The following FAM110C variants were observed in gnomAD, a reference collection of about 807,000 sequenced individuals.
The protein encoded by FAM110C is family with sequence similarity 110 member C, also known as protein FAM110C.
A neutral mutation model predicts 15.7 loss-of-function variants in FAM110C; 19 were observed. That is an observed-to-expected ratio of 1.21 (90% CI 0.85 to 1.78). The LOEUF (loss-of-function observed/expected upper bound fraction) is 1.78. FAM110C is among the 40% of genes most tolerant of loss of function. FAM110C has a pLI of 0.00. For missense variants in FAM110C, 547 were observed against 495.7 expected, an observed-to-expected ratio of 1.10 and a Z score of -0.98; for synonymous variants, 275 against 233.9, an observed-to-expected ratio of 1.18 and a Z score of -1.61.
Position 41,505 on chromosome 2 carries a change from T to G in FAM110C, c.*103A>C. The G allele has an allele frequency of 7.6e-7, 1 of 1,318,036 alleles. No homozygotes were observed. The highest frequency in any genetic ancestry group is 1.1e-6 in the Non-Finnish European group (1 of 936,814). 81.6% of individuals were successfully genotyped at this position (1,318,036 alleles called of 1,614,324 possible). On this transcript the variant is annotated 3_prime_UTR_variant, in exon 2 of 2. Transcript: ENST00000327669. The stretch of plus-strand genomic sequence containing the variant: ...CAGAGCACTTGTTTTGTCAATGGGA[T>G]GCTGCATTCCTGGTAAAACAGCAAT...
intron 1 of FAM110C, chr2:44,210 G>C (rs1421796251): frequency 7.1e-6 from 7 of 985,226 alleles, no homozygotes; most frequent in African/African-American, 1.7e-5. Context: ...TGGGAACTTA[G>C]GCTAGTGGAA....
rs1169585125 is a variant in FAM110C, at chr2:39,278, G to C, written c.*2330C>G. 6.6e-6 allele frequency: 1 copy of C among 152,130 alleles called. No homozygotes were observed. The highest frequency in any genetic ancestry group is 2.4e-5 in the African/African-American group (1 of 41,416). 9.4% of individuals were successfully genotyped at this position (152,130 alleles called of 1,614,324 possible). On this transcript the variant is annotated 3_prime_UTR_variant, in exon 2 of 2. Coordinates refer to ENST00000327669, the MANE Select transcript of FAM110C (RefSeq NM_001077710.3). ...GTTTTACTTTTTATATATATTTTTA[G>C]AGACAGGGTCTTGCTCTGTCACTCA...
Position 45,490 on chromosome 2 carries a change from G to C in FAM110C, c.896C>G (p.Thr299Ser). 1 of 1,614,122 alleles carries C rather than the reference G, an allele frequency of 6.2e-7. No homozygotes were observed. The highest frequency in any genetic ancestry group is 8.5e-7 in the Non-Finnish European group (1 of 1,179,994). Residue 299 changes from threonine to serine, a missense_variant, in exon 1 of 2, where the codon ACC (threonine) becomes AGC (serine). Thr to Ser is a moderately conservative substitution (Grantham distance 58, BLOSUM62 1). Transcript: ENST00000327669. The part of the protein sequence containing the change: ...RNARIIKWLY[T>S]CKKAKETPSQ... ...GGGGGTCTCCTTGGCCTTCTTACAG[G>C]TGTACAGCCACTTGATGATGCGGGC...
intron 1 of FAM110C, chr2:42,909 C>G: frequency 4.1e-6 from 4 of 985,460 alleles, no homozygotes; most frequent in South Asian, 4.7e-5. Context: ...GCTTCCACAT[C>G]TTCCAGAAGT....
At chr2:41,955 A>G (rs1002099676) in intron 1 of FAM110C, 1 of 985,328 alleles carries the variant, frequency 1.0e-6, no homozygotes, top group African/African-American at 1.7e-5. Flanking sequence ...GCTAACTACT[A>G]CAGAGTTGGA....
intron 1 of FAM110C, chr2:43,777 A>G: frequency 1.0e-6 from 1 of 985,404 alleles, no homozygotes; most frequent in Non-Finnish European, 1.2e-6. Context: ...TGCTATGGCT[A>G]CCTGGAGGGA....
In FAM110C at chr2:46,460, A is replaced by T; in HGVS notation, c.-75T>A. 1.7e-6 allele frequency: 2 copies of T among 1,165,848 alleles called. No homozygotes were observed. The highest frequency in any genetic ancestry group is 2.2e-6 in the Non-Finnish European group (2 of 922,584). 72.2% of individuals were successfully genotyped at this position (1,165,848 alleles called of 1,614,324 possible). A position where few individuals can be genotyped will look rare whatever the true frequency, so the allele number is the denominator to read the frequency against. On this transcript the variant is annotated 5_prime_UTR_variant, in exon 1 of 2. Transcript: ENST00000327669. ...TCGAGTGGTAGAGCCAGTCAGTCCC[A>T]GGGCCGGTTCCGAAGTCCGCGCCGG...
chr2:44,039 C>A, intron 1 of FAM110C: 1 of 985,412 alleles, frequency 1.0e-6, no homozygotes, highest in Non-Finnish European at 1.2e-6. Flanking sequence ...GACACTGTCC[C>A]TCCACGGACC....
In FAM110C at chr2:40,902, A is replaced by C. The variant is rs537135846; in HGVS notation, c.*706T>G. 1.3e-5 allele frequency: 2 copies of C among 152,354 alleles called. No homozygotes were observed. Among genetic ancestry groups the C allele is most frequent in the Admixed American group, 1.3e-4 (2 of 15,298 alleles). The allele number at this position is 152,354 out of a possible 1,614,324, so 9.4% of individuals were successfully genotyped here. ...AAAAGGTTTTGTTTATCAGTATTTA[A>C]ACTCTAACTTATCTTTTAATGGGTA... On this transcript the variant is annotated 3_prime_UTR_variant, in exon 2 of 2. Coordinates refer to ENST00000327669, the MANE Select transcript of FAM110C (RefSeq NM_001077710.3).
intron 1 of FAM110C, chr2:43,519 C>G (rs1220901895): frequency 1.0e-6 from 1 of 985,252 alleles, no homozygotes; most frequent in Non-Finnish European, 1.2e-6. Flanking sequence ...GCTAACTAAA[C>G]TTCTTATATT....
intron 1 of FAM110C, 60 bp downstream of exon 1, chr2:45,376 ACACT>A: frequency 6.5e-7 from 1 of 1,532,226 alleles, no homozygotes; most frequent in Non-Finnish European, 8.8e-7. Context: ...CAGCTCGGTC[ACACT>A]CACCAAGATT....
In FAM110C at chr2:38,928, A is replaced by C. The variant is rs1664055027; in HGVS notation, c.*2680T>G. On this transcript the variant is annotated 3_prime_UTR_variant, in exon 2 of 2. Transcript: ENST00000327669. ...TTAGAAACTGCCATAGCAATTGTCT[A>C]AGTCTACTAATGTTTTCTGGCATCA... 1 of 152,232 alleles carries C rather than the reference A, an allele frequency of 6.6e-6. No homozygotes were observed. Among genetic ancestry groups the C allele is most frequent in the South Asian group, 2.1e-4 (1 of 4,834 alleles). 9.4% of individuals were successfully genotyped at this position (152,232 alleles called of 1,614,324 possible).
rs764985088 is a variant in FAM110C, at chr2:45,567, C to A, written c.819G>T (p.Glu273Asp). ...TGGGCACCTGCTCTATCAGCTCCTC[C>A]TCCTGCAGCCCCTCGTCGTCGCCGC... ...HSGGDDEGLQ[E>D]EELIEQVPST... The change falls in exon 1 of 2, where the codon GAG (glutamate) becomes GAT (aspartate). Residue 273 changes from glutamate to aspartate, a missense_variant. By Grantham distance (45) the Glu-to-Asp change is conservative. Transcript: ENST00000327669. 1 of 1,613,726 alleles carries A rather than the reference C, an allele frequency of 6.2e-7. No individual in the cohort carries two copies.
chr2:40,714 G>A lies in FAM110C; in HGVS notation c.*894C>T, dbSNP rs1281341211. The stretch of plus-strand genomic sequence containing the variant: ...AAGAGGTCCTGCCTCAGATGCCCGT[G>A]TTCTGTGTAAACCAAAGTTTTCTGT... On this transcript the variant is annotated 3_prime_UTR_variant, in exon 2 of 2. Coordinates refer to ENST00000327669, the MANE Select transcript of FAM110C (RefSeq NM_001077710.3). 1.3e-5 allele frequency: 2 copies of A among 152,224 alleles called. No homozygotes were observed. Among genetic ancestry groups the A allele is most frequent in the Non-Finnish European group, 2.9e-5 (2 of 68,046 alleles). 9.4% of individuals were successfully genotyped at this position (152,224 alleles called of 1,614,324 possible). A position where few individuals can be genotyped will look rare whatever the true frequency, so the allele number is the denominator to read the frequency against.
chr2:43,052 G>C (rs987873924), intron 1 of FAM110C: 1 of 985,494 alleles, frequency 1.0e-6, no homozygotes, highest in Non-Finnish European at 1.2e-6. Context: ...GGGAGGTGGG[G>C]AGCTGTGAAG....
chr2:44,608 C>T, intron 1 of FAM110C: 2 of 985,390 alleles, frequency 2.0e-6, no homozygotes, highest in Non-Finnish European at 2.4e-6. Flanking sequence ...CACTACTTTC[C>T]AAGACGCCCA....
Position 45,755 on chromosome 2 carries a change from C to T in FAM110C, c.631G>A (p.Ala211Thr). Residue 211 changes from alanine to threonine, a missense_variant, in exon 1 of 2, where the codon GCC (alanine) becomes ACC (threonine). Ala to Thr is a moderately conservative substitution (Grantham distance 58). Transcript: ENST00000327669. ...QSDLSSRYSA[A>T]LAESDTFFQY... ...AAGAAGGTGTCAGACTCGGCCAAGG[C>T]AGCGGAATAGCGGGAGCTGAGGTCC... 1.3e-6 allele frequency: 2 copies of T among 1,587,684 alleles called. No homozygotes were observed. Among genetic ancestry groups the T allele is most frequent in the South Asian group, 1.1e-5 (1 of 87,814 alleles).
At chr2:43,539 T>C (rs1664185044) in intron 1 of FAM110C, 1 of 985,262 alleles carries the variant, frequency 1.0e-6, no homozygotes, top group South Asian at 4.7e-5. Flanking sequence ...TTTTCATAGG[T>C]CCAAGCCTAA....
rs538985494 is a variant in FAM110C at position 45,933 on chromosome 2, C to A, written c.453G>T (p.Thr151=). The stretch of plus-strand genomic sequence containing the variant: ...CCGCGGGGCCAGGAGTGGTCGGGAC[C>A]GTCTCCGGGTTCCCGGCCTTGCCCT... ...GDEGKAGNPE[T]VPTTPGPAAD... Residue 151 remains threonine (T), a synonymous_variant, in exon 1 of 2, where the codon ACG becomes ACT. Coordinates refer to ENST00000327669, the MANE Select transcript of FAM110C (RefSeq NM_001077710.3). 3.2e-4 allele frequency: 454 copies of A among 1,415,296 alleles called. 3 individuals are homozygous for A. The South Asian group carries it at 5.5e-3, about 17-fold the overall frequency. The allele number at this position is 1,415,296 out of a possible 1,614,324, so 87.7% of individuals were successfully genotyped here.
Sources: allele counts gnomAD v4.1 joint callset, GRCh38; gene constraint gnomAD v4.1.1; transcripts MANE v1.5; gene names NCBI Gene and HGNC (gene_info 2026-07-23, HGNC 2026-07-21).